The following CARM1 variants were observed in gnomAD, a reference collection of about 807,000 sequenced individuals.
CARM1 encodes histone-arginine methyltransferase CARM1.
Under a neutral mutation model 72.7 loss-of-function variants are expected in CARM1, and 14 were observed. That is an observed-to-expected ratio of 0.19 (90% CI 0.13 to 0.30). The LOEUF (loss-of-function observed/expected upper bound fraction) is 0.30. CARM1 is among the 10% of genes least tolerant of loss of function. CARM1 has a pLI of 1.00. For missense variants in CARM1, 432 were observed against 833.7 expected (o/e 0.52, Z 5.93); for synonymous variants, 333 against 345.5 (o/e 0.96, Z 0.40).
At chr19:10,919,003 G>T (rs1157837443) in intron 8 of CARM1, 1 of 152,650 alleles carries the variant, frequency 6.6e-6, no homozygotes, top group Non-Finnish European at 1.5e-5. Context: ...TAGTGTTGTT[G>T]TTGTTTTTAA....
chr19:10,900,276 C>T (rs1283186753), intron 1 of CARM1, among the ~76,000 whole-genome samples: 4 of 152,058 alleles, frequency 2.6e-5, no homozygotes, highest in Non-Finnish European at 5.9e-5. Context: ...TGAAATTAGC[C>T]CTTTTACAAT....
intron 1 of CARM1, among the ~76,000 whole-genome samples, chr19:10,898,573 T>C (rs761218516): frequency 2.8e-4 from 43 of 152,192 alleles, no homozygotes; most frequent in Non-Finnish European, 4.3e-4. Context: ...CCCATACTGC[T>C]CCTCCCCAGC....
chr19:10,893,505 A>AT (rs1348870687), intron 1 of CARM1, among the ~76,000 whole-genome samples: 1 of 151,638 alleles, frequency 6.6e-6, no homozygotes, highest in Admixed American at 6.6e-5. Flanking sequence ...CGCCCGGCTA[A>AT]TTTTTTTTAT....
At chr19:10,914,330 C>T (rs1471280390) in intron 6 of CARM1, among the ~76,000 whole-genome samples, 2 of 152,222 alleles carry the variant, frequency 1.3e-5, no homozygotes, top group African/African-American at 2.4e-5. Context: ...CCTGCTCCTG[C>T]GGGACAGCCT....
At chr19:10,917,964 G>A (rs748316241) in intron 8 of CARM1, among the ~76,000 whole-genome samples, 6 of 151,986 alleles carry the variant, frequency 3.9e-5, no homozygotes, top group South Asian at 2.1e-4. Flanking sequence ...CGCCTGCCTC[G>A]GCCTCCCAAA....
At chr19:10,904,082 C>G (rs1417648752) in intron 1 of CARM1, among the ~76,000 whole-genome samples, 1 of 152,222 alleles carries the variant, frequency 6.6e-6, no homozygotes, top group Non-Finnish European at 1.5e-5. Flanking sequence ...GGGCACTCCC[C>G]TCTTTCTTGT....
chr19:10,882,534 C>CTTTTTTTT (rs869046901), intron 1 of CARM1, among the ~76,000 whole-genome samples: 6 of 85,964 alleles, frequency 7.0e-5, no homozygotes, highest in Admixed American at 1.4e-4. Flanking sequence ...TGCACTCTGT[C>CTTTTTTTT]TTTTTTTTTT....
At chr19:10,911,079 T>C (rs1411970368) in intron 4 of CARM1, among the ~76,000 whole-genome samples, 3 of 151,674 alleles carry the variant, frequency 2.0e-5, no homozygotes, top group East Asian at 3.9e-4. Context: ...TTAGTAGAGA[T>C]GGGGTTCTGC....
chr19:10,904,566 C>G (rs1049657064), intron 1 of CARM1, among the ~76,000 whole-genome samples: 1 of 152,252 alleles, frequency 6.6e-6, no homozygotes, highest in Admixed American at 6.5e-5. Flanking sequence ...ACTCCACTGG[C>G]CACATGCAGT....
intron 4 of CARM1, among the ~76,000 whole-genome samples, chr19:10,909,904 A>G (rs530510048): frequency 6.6e-6 from 1 of 152,278 alleles, no homozygotes; most frequent in African/African-American, 2.4e-5. Context: ...ATTTTTCCCC[A>G]TACAGACATC....
intron 1 of CARM1, among the ~76,000 whole-genome samples, chr19:10,891,730 C>A (rs1161320804): frequency 6.6e-6 from 1 of 152,258 alleles, no homozygotes; most frequent in Non-Finnish European, 1.5e-5. Context: ...GGCTATCTTT[C>A]ATGTACAAGG....
chr19:10,875,654 G>A (rs2073858574), intron 1 of CARM1, among the ~76,000 whole-genome samples: 1 of 152,072 alleles, frequency 6.6e-6, no homozygotes, highest in East Asian at 1.9e-4. Flanking sequence ...TCCATCTCCT[G>A]ACCTCGTGAT....
intron 1 of CARM1, among the ~76,000 whole-genome samples, chr19:10,890,902 C>A (rs1019936563): frequency 3.5e-5 from 5 of 141,994 alleles, no homozygotes; most frequent in African/African-American, 1.3e-4. Context: ...CACAGGAGGT[C>A]GAGGCTGCAG....
chr19:10,894,446 C>T (rs565205119), intron 1 of CARM1, among the ~76,000 whole-genome samples: 1 of 152,192 alleles, frequency 6.6e-6, no homozygotes, highest in East Asian at 1.9e-4. Flanking sequence ...TAACTCTCCT[C>T]CTTTGATCGG....
intron 1 of CARM1, among the ~76,000 whole-genome samples, chr19:10,890,648 T>TGTATATACGTATATATGTGTATAC (rs2073977354): frequency 6.6e-6 from 1 of 150,670 alleles, no homozygotes; most frequent in Non-Finnish European, 1.5e-5. Context: ...TATATGTATA[T>TGTATATACGTATATATGTGTATAC]GTATATACGT....
chr19:10,904,894 C>G (rs1046255224), intron 1 of CARM1, 57 bp from the exon 2 acceptor site: 2 of 1,590,170 alleles, frequency 1.3e-6, no homozygotes, highest in Non-Finnish European at 1.7e-6. Flanking sequence ...GACCCAGGCT[C>G]AAAAGAAGGC....
rs758909638 is a variant in CARM1, at chr19:10,920,496, G to A, written c.1257G>A (p.Arg419=). The part of the protein sequence containing the change: ...TEPLTHWYQV[R]CLFQSPLFAK... The stretch of plus-strand genomic sequence containing the variant: ...CCCTGACCCACTGGTACCAGGTGCG[G>A]TGCCTGTTCCAGTCACCACTGTTCG... The change falls in exon 11 of 16, where the codon CGG becomes CGA. Residue 419 remains arginine (R), a synonymous_variant. Transcript: ENST00000327064. The surrounding 1 kb of genome is among the most constrained non-coding windows in gnomAD (Gnocchi z 5.3). The A allele has an allele frequency of 3.1e-6, 5 of 1,613,918 alleles. No individual in the cohort carries two copies. Among genetic ancestry groups the A allele is most frequent in the Non-Finnish European group, 4.2e-6 (5 of 1,179,870 alleles).
chr19:10,894,241 T>C (rs1483441110), intron 1 of CARM1, among the ~76,000 whole-genome samples: 1 of 152,214 alleles, frequency 6.6e-6, no homozygotes, highest in African/African-American at 2.4e-5. Flanking sequence ...TGCCTCCCAC[T>C]GTGGACTCCC....
In CARM1 at chr19:10,921,983, C is replaced by T; in HGVS notation, c.*226C>T. The stretch of plus-strand genomic sequence containing the variant: ...GTCGCTGCCATATTTTACACAAAAT[C>T]ATGTTGTGGGAGCCCTCGTCCCCCC... On this transcript the variant is annotated 3_prime_UTR_variant, in exon 16 of 16. Transcript: ENST00000327064. The T allele has an allele frequency of 1.0e-5, 5 of 481,472 alleles. No individual in the cohort carries two copies. Among genetic ancestry groups the T allele is most frequent in the Non-Finnish European group, 1.5e-5 (4 of 271,594 alleles). 29.8% of individuals were successfully genotyped at this position (481,472 alleles called of 1,614,324 possible).
Sources: allele counts gnomAD v4.1 joint callset (sites outside exome capture counted in the v4.1 genomes callset), GRCh38; gene constraint gnomAD v4.1.1; non-coding constraint Gnocchi (gnomAD v3.1); transcripts MANE v1.5; gene names NCBI Gene and HGNC (gene_info 2026-07-23, HGNC 2026-07-21).